Variants in DLG1 observed in about 807,000 individuals in gnomAD.
DLG1 encodes discs large MAGUK scaffold protein 1.
A neutral mutation model predicts 123.4 loss-of-function variants in DLG1; 42 were observed. The observed-to-expected ratio is 0.34, with a 90% CI of 0.27 to 0.44. The LOEUF (loss-of-function observed/expected upper bound fraction) is 0.44, where lower values mean the gene tolerates loss of function less well. DLG1 is among the 20% of genes least tolerant of loss of function. The pLI is 1.00. For synonymous variants in DLG1, 317 were observed against 356.2 expected, an observed-to-expected ratio of 0.89 and a Z score of 1.24; for missense variants, 942 against 1,082.6, an observed-to-expected ratio of 0.87 and a Z score of 1.82.
At chr3:197,194,052 C>T (rs1213619246) in intron 5 of DLG1, among the ~76,000 whole-genome samples, 2 of 151,970 alleles carry the variant, frequency 1.3e-5, no homozygotes, top group Non-Finnish European at 2.9e-5. Context: ...GAACTCTTGA[C>T]CTCAAGTGAT....
intron 5 of DLG1, among the ~76,000 whole-genome samples, chr3:197,176,696 T>G (rs920065020): frequency 6.6e-6 from 1 of 152,172 alleles, no homozygotes; most frequent in African/African-American, 2.4e-5. Flanking sequence ...ACTTTATCCA[T>G]GCACACACTG....
chr3:197,151,064 C>G (rs966141469), intron 5 of DLG1, among the ~76,000 whole-genome samples: 1 of 152,094 alleles, frequency 6.6e-6, no homozygotes, highest in African/African-American at 2.4e-5. Flanking sequence ...AGCAAAGCTA[C>G]CCAACTTACA....
At chr3:197,208,459 AT>A (rs1729724230) in intron 4 of DLG1, among the ~76,000 whole-genome samples, 1 of 146,972 alleles carries the variant, frequency 6.8e-6, no homozygotes, top group Non-Finnish European at 1.5e-5. Context: ...GTAGGCAGTT[AT>A]TTATTGTAGT....
chr3:197,282,709 T>G lies in DLG1; in HGVS notation c.288A>C (p.Thr96=). The change falls in exon 4 of 25, where the codon ACA becomes ACC. Residue 96 remains threonine (T), a synonymous_variant. Coordinates refer to ENST00000667157, the MANE Select transcript of DLG1 (RefSeq NM_001366207.1). ...CACTAGGGCTAAGGCTGCTTGGCAGTGTCTCTGAAGTCACAGTAGAGCTTG... is the reference window on the plus strand; with the variant it reads ...CACTAGGGCTAAGGCTGCTTGGCAGGGTCTCTGAAGTCACAGTAGAGCTTG... ...SLPSSTVTSE[T]LPSSLSPSVE... The G allele has an allele frequency of 2.5e-6, 4 of 1,606,698 alleles. No individual in the cohort carries two copies. The highest frequency in any genetic ancestry group is 3.4e-6 in the Non-Finnish European group (4 of 1,177,586).
At chr3:197,121,823 C>CA (rs71161995) in intron 11 of DLG1, among the ~76,000 whole-genome samples, 13,357 of 101,942 alleles carry the variant, frequency 0.13, 1,041 homozygotes, top group South Asian at 0.33. Context: ...ACAATCACCA[C>CA]AAAAAAAAAA....
chr3:197,197,896 G>C (rs1723381404), intron 4 of DLG1, among the ~76,000 whole-genome samples: 2 of 151,984 alleles, frequency 1.3e-5, no homozygotes, highest in Admixed American at 1.3e-4. Flanking sequence ...AGAAAGAATA[G>C]TTTTTTTTAA....
Position 197,176,045 on chromosome 3 carries a change from T to C in DLG1, c.483+18380A>G, listed in dbSNP as rs143583741. 3.3e-3 allele frequency among the ~76,000 whole-genome samples: 509 copies of C among 152,214 alleles called. 5 individuals carry two copies. Among genetic ancestry groups the C allele is most frequent in the African/African-American group, 0.011 (475 of 41,550 alleles). On this transcript the variant is annotated intron_variant, in intron 5 of 24. Transcript: ENST00000667157. ...ATCTATCCTTGACAGAAACGCCATC[T>C]AAACAATCAAGACACTATACAGAAG...
At chr3:197,087,951 A>G (rs1755390731) in intron 15 of DLG1, among the ~76,000 whole-genome samples, 1 of 152,222 alleles carries the variant, frequency 6.6e-6, no homozygotes. Flanking sequence ...GTATACTCTG[A>G]AACTTGGTGG....
At chr3:197,268,049 T>C (rs776007355) in intron 4 of DLG1, among the ~76,000 whole-genome samples, 1 of 152,150 alleles carries the variant, frequency 6.6e-6, no homozygotes, top group Non-Finnish European at 1.5e-5. Context: ...ATTGAAAACA[T>C]ATAAAGTTAG....
At position 197,080,301 on chromosome 3, in the gene DLG1, C is replaced by T. The variant is rs1210657056; in HGVS notation, c.1905+750G>A. 7.3e-5 allele frequency among the ~76,000 whole-genome samples: 6 copies of T among 82,560 alleles called. No homozygotes were observed. In the Admixed American group the frequency reaches 1.0e-3, roughly 14 times the overall value. The allele number at this position is 82,560 out of a possible 152,430, so 54.2% of individuals were successfully genotyped here. ...TTTTTTTTTTTTTTTTTTTTTGAGA[C>T]AGGGTCTCACTCTGTCACCCAGGCT... On this transcript the variant is annotated intron_variant, in intron 17 of 24. Transcript: ENST00000667157.
At chr3:197,109,795 C>A (rs750988823) in intron 13 of DLG1, among the ~76,000 whole-genome samples, 10 of 152,050 alleles carry the variant, frequency 6.6e-5, no homozygotes, top group African/African-American at 9.7e-5. Context: ...AAGTTTTTTT[C>A]TTTTCAGAAT....
intron 4 of DLG1, among the ~76,000 whole-genome samples, chr3:197,212,362 G>A (rs1441326095): frequency 8.6e-6 from 1 of 115,946 alleles, no homozygotes; most frequent in East Asian, 2.2e-4. Flanking sequence ...GCAGGCAAAA[G>A]AAAGTAAAAG....
chr3:197,124,209 C>A (rs980166406), intron 11 of DLG1, among the ~76,000 whole-genome samples: 10 of 152,334 alleles, frequency 6.6e-5, no homozygotes, highest in African/African-American at 2.4e-4. Flanking sequence ...GCAGCCTGAG[C>A]AGCTGAGTGA....
intron 4 of DLG1, among the ~76,000 whole-genome samples, chr3:197,265,188 A>G (rs1761146646): frequency 6.6e-6 from 1 of 152,234 alleles, no homozygotes; most frequent in South Asian, 2.1e-4. Context: ...ACCCTGTAAT[A>G]TGAGCTACTT....
intron 7 of DLG1, among the ~76,000 whole-genome samples, 166 bp downstream of exon 7, chr3:197,142,552 T>C (rs1047608533): frequency 6.6e-6 from 1 of 152,188 alleles, no homozygotes; most frequent in African/African-American, 2.4e-5. Flanking sequence ...ATAAGGTTAC[T>C]AAAGAAAAGG....
intron 18 of DLG1, chr3:197,070,418 T>G (rs902648066): frequency 4.6e-5 from 7 of 151,000 alleles, no homozygotes; most frequent in African/African-American, 1.7e-4. Flanking sequence ...TGCTAAAATT[T>G]TGTTTTTTTT....
chr3:197,282,574 C>A (rs1769908055), intron 4 of DLG1, 105 bp downstream of exon 4: 1 of 777,012 alleles, frequency 1.3e-6, no homozygotes, highest in South Asian at 5.1e-5. Context: ...ACTTCCATAA[C>A]AAAATCCACT....
At chr3:197,245,229 T>C (rs1751044249) in intron 4 of DLG1, among the ~76,000 whole-genome samples, 1 of 152,216 alleles carries the variant, frequency 6.6e-6, no homozygotes, top group Non-Finnish European at 1.5e-5. Context: ...GTGAAATGGA[T>C]TCCATTATCT....
chr3:197,137,926 T>C (rs1054914507), intron 9 of DLG1, among the ~76,000 whole-genome samples: 5 of 151,116 alleles, frequency 3.3e-5, no homozygotes, highest in Non-Finnish European at 5.9e-5. Flanking sequence ...AAGCCATGAC[T>C]GCACCACTGG....
Sources: allele counts gnomAD v4.1 joint callset (sites outside exome capture counted in the v4.1 genomes callset), GRCh38; gene constraint gnomAD v4.1.1; transcripts MANE v1.5; gene names NCBI Gene and HGNC (gene_info 2026-07-23, HGNC 2026-07-21).